Variants in MMP26 observed in about 807,000 individuals in gnomAD.
MMP26 encodes the protein matrix metalloproteinase-26.
A neutral mutation model predicts 31.0 loss-of-function variants in MMP26; 33 were observed. The observed-to-expected ratio is 1.06, with a 90% CI of 0.81 to 1.42. The LOEUF (loss-of-function observed/expected upper bound fraction) is 1.42. MMP26 is among the 40% of genes most tolerant of loss of function. MMP26 has a pLI of 0.00. For missense variants in MMP26, 347 were observed against 316.1 expected, an observed-to-expected ratio of 1.10 and a Z score of -0.74; for synonymous variants, 122 against 114.9, an observed-to-expected ratio of 1.06 and a Z score of -0.40.
intron 2 of MMP26, chr11:4,889,821 T>A: frequency 5.7e-6 from 1 of 176,282 alleles, no homozygotes. Flanking sequence ...GAGACACAGG[T>A]GTTGAGGGCC....
At chr11:4,784,652 T>C (rs1285780876) in intron 2 of MMP26, among the ~76,000 whole-genome samples, 1 of 152,132 alleles carries the variant, frequency 6.6e-6, no homozygotes. Flanking sequence ...GCTAGATTCT[T>C]TGGAGAGTGT....
chr11:4,762,080 A>G (rs956190348), intron 1 of MMP26, among the ~76,000 whole-genome samples: 1 of 152,194 alleles, frequency 6.6e-6, no homozygotes, highest in Non-Finnish European at 1.5e-5. Flanking sequence ...GGTACATTAT[A>G]TTATTTAATC....
Position 4,990,679 on chromosome 11 carries a change from GACCCCTTTGATATTC to G in MMP26, c.403_417del (p.Thr135_Phe139del). ...ATGCAGTTTCCATCTGGAGCAATGT[GACCCCTTTGATATTC>G]CAGCAAGTGCAGAATGGAGATGCAG... On this transcript the variant is annotated inframe_deletion, in exon 5 of 8. Transcript: ENST00000380390. 6.2e-7 allele frequency: 1 copy of G among 1,614,110 alleles called. No individual in the cohort carries two copies. The highest frequency in any genetic ancestry group is 8.5e-7 in the Non-Finnish European group (1 of 1,180,000).
chr11:4,857,368 A>G (rs1187571372), intron 2 of MMP26, among the ~76,000 whole-genome samples: 1 of 152,110 alleles, frequency 6.6e-6, no homozygotes, highest in Admixed American at 6.5e-5. Context: ...AATCAAATAG[A>G]CACAATAAAA....
chr11:4,884,811 C>T (rs1850527050), intron 2 of MMP26, among the ~76,000 whole-genome samples: 2 of 152,042 alleles, frequency 1.3e-5, no homozygotes, highest in South Asian at 4.1e-4. Context: ...GGCTAAAAAG[C>T]CTAATAGAAA....
At chr11:4,816,614 A>AT (rs1849422607) in intron 2 of MMP26, among the ~76,000 whole-genome samples, 3 of 123,736 alleles carry the variant, frequency 2.4e-5, no homozygotes, top group Non-Finnish European at 3.9e-5. Context: ...ATGGTCCAAA[A>AT]CAAAAAAAAA....
chr11:4,726,958 G>C (rs78425194), intron 1 of MMP26, among the ~76,000 whole-genome samples: 44 of 152,194 alleles, frequency 2.9e-4, no homozygotes, highest in African/African-American at 9.6e-4. Context: ...TGAGGTTGCC[G>C]TGAACTATGA....
At chr11:4,937,204 G>A (rs1349889163) in intron 2 of MMP26, among the ~76,000 whole-genome samples, 1 of 152,138 alleles carries the variant, frequency 6.6e-6, no homozygotes, top group Non-Finnish European at 1.5e-5. Context: ...GGCACTTAGG[G>A]TACTGAATAT....
At chr11:4,758,018 G>T (rs1848525564) in intron 1 of MMP26, among the ~76,000 whole-genome samples, 1 of 152,086 alleles carries the variant, frequency 6.6e-6, no homozygotes. Context: ...TACCAAAGAG[G>T]AATGAAAGCA....
intron 2 of MMP26, among the ~76,000 whole-genome samples, chr11:4,910,045 G>A (rs1210076806): frequency 6.6e-6 from 1 of 151,980 alleles, no homozygotes; most frequent in Non-Finnish European, 1.5e-5. Flanking sequence ...CAATACAAAT[G>A]TATTGTTTTA....
chr11:4,890,620 T>C (rs1246017268), intron 2 of MMP26: 1 of 152,170 alleles, frequency 6.6e-6, no homozygotes, highest in Non-Finnish European at 1.5e-5. Context: ...AAAAGTATTC[T>C]CAGGTCTGAA....
At chr11:4,842,590 A>T (rs933578415) in intron 2 of MMP26, among the ~76,000 whole-genome samples, 1 of 152,224 alleles carries the variant, frequency 6.6e-6, no homozygotes, top group African/African-American at 2.4e-5. Context: ...AGCATGATTT[A>T]ATCATCTCCC....
chr11:4,939,893 T>G (rs1440326865), intron 2 of MMP26, among the ~76,000 whole-genome samples: 1 of 152,212 alleles, frequency 6.6e-6, no homozygotes, highest in African/African-American at 2.4e-5. Flanking sequence ...TTAAGCCGTA[T>G]ACCTTGCTTT....
At chr11:4,786,309 T>G (rs1848943233) in intron 2 of MMP26, among the ~76,000 whole-genome samples, 1 of 152,046 alleles carries the variant, frequency 6.6e-6, no homozygotes, top group African/African-American at 2.4e-5. Flanking sequence ...AACTCAGAAT[T>G]TAATGCCAAT....
intron 2 of MMP26, among the ~76,000 whole-genome samples, chr11:4,886,922 G>T (rs996376464): frequency 5.3e-5 from 8 of 151,666 alleles, no homozygotes; most frequent in Non-Finnish European, 1.0e-4. Flanking sequence ...TTATATTTCA[G>T]TAGATTTTAA....
At chr11:4,779,892 C>A (rs1411416736) in intron 2 of MMP26, among the ~76,000 whole-genome samples, 1 of 152,078 alleles carries the variant, frequency 6.6e-6, no homozygotes, top group African/African-American at 2.4e-5. Flanking sequence ...CTTACTGAAG[C>A]ACCGTATTTT....
At chr11:4,877,916 T>C (rs560331374) in intron 2 of MMP26, 1 of 152,300 alleles carries the variant, frequency 6.6e-6, no homozygotes, top group Admixed American at 6.5e-5. Flanking sequence ...CTCACTTTGG[T>C]ATATCGTTTT....
chr11:4,755,378 T>C (rs148067381), intron 1 of MMP26, among the ~76,000 whole-genome samples: 118 of 152,084 alleles, frequency 7.8e-4, no homozygotes, highest in African/African-American at 2.7e-3. Context: ...TCAGCCCACA[T>C]TGAATACATC....
chr11:4,900,744 C>G (rs1850788100), intron 2 of MMP26, among the ~76,000 whole-genome samples: 1 of 152,174 alleles, frequency 6.6e-6, no homozygotes, highest in Non-Finnish European at 1.5e-5. Context: ...CACTTCATCC[C>G]TCTGCCTCTT....
Sources: gnomAD v4.1 joint callset for allele counts (sites outside exome capture counted in the v4.1 genomes callset) on GRCh38, gnomAD v4.1.1 for gene constraint, MANE v1.5 for transcripts, NCBI Gene and HGNC (gene_info 2026-07-23, HGNC 2026-07-21) for gene names.